Variants in HIPK3 observed in about 807,000 individuals in gnomAD.
HIPK3 encodes homeodomain interacting protein kinase 3, also known as homeodomain-interacting protein kinase 3.
Under a neutral mutation model 124.2 loss-of-function variants are expected in HIPK3, and 47 were observed. The ratio of observed to expected loss-of-function variants is 0.38; its 90% CI spans 0.30 to 0.48. HIPK3 has a LOEUF of 0.48. HIPK3 is among the 20% of genes least tolerant of loss of function. The pLI, the probability that HIPK3 is intolerant of heterozygous loss-of-function variation, is 0.98. For missense variants in HIPK3, 1,286 were observed against 1,454.3 expected, an observed-to-expected ratio of 0.88 and a Z score of 1.88; for synonymous variants, 482 against 515.2, an observed-to-expected ratio of 0.94 and a Z score of 0.87.
intron 15 of HIPK3, 134 bp from the exon 16 acceptor site, chr11:33,352,004 C>A: frequency 9.5e-7 from 1 of 1,048,754 alleles, no homozygotes; most frequent in Non-Finnish European, 1.4e-6. Context: ...TGCTTGGAAA[C>A]CATGACCTCT....
chr11:33,333,796 A>C (rs527756542), intron 3 of HIPK3, among the ~76,000 whole-genome samples: 1 of 152,292 alleles, frequency 6.6e-6, no homozygotes, highest in South Asian at 2.1e-4. Flanking sequence ...TACTAGCTTA[A>C]TTGCAGATTA....
intron 13 of HIPK3, 117 bp downstream of exon 13, chr11:33,348,935 A>C (rs1404824058): frequency 9.6e-7 from 1 of 1,036,828 alleles, no homozygotes; most frequent in Non-Finnish European, 1.4e-6. Flanking sequence ...AAAACCTTTA[A>C]ATTAGATAAC....
At chr11:33,309,963 G>A (rs1304617983) in intron 2 of HIPK3, among the ~76,000 whole-genome samples, 4 of 152,072 alleles carry the variant, frequency 2.6e-5, no homozygotes, top group African/African-American at 7.2e-5. Flanking sequence ...CCAGCTTTCT[G>A]CTGAAGTTCT....
At chr11:33,330,457 T>C (rs1852942746) in intron 3 of HIPK3, among the ~76,000 whole-genome samples, 1 of 152,136 alleles carries the variant, frequency 6.6e-6, no homozygotes, top group African/African-American at 2.4e-5. Context: ...GCCTCCTGAG[T>C]AGCTGGGATT....
In HIPK3 at chr11:33,353,330, T is replaced by C. The variant is rs1449420418; in HGVS notation, c.3410T>C (p.Leu1137Ser). Residue 1137 changes from leucine to serine, a missense_variant, in exon 17 of 17, where the codon TTA becomes TCA. Around this residue, in one of 3 missense-constraint regions of HIPK3, gnomAD observed 810 missense variants for 864.9 expected, o/e 0.94. Coordinates refer to ENST00000303296, the MANE Select transcript of HIPK3 (RefSeq NM_005734.5). ...LSSAAPVAHL[L>S]ASPCTSRPML... is the part of the protein sequence containing the mutation. ...AGTGCTGCACCAGTGGCCCACCTGTTAGCCTCTCCGTGTACCTCAAGACCT... is the reference window on the plus strand; with the variant it reads ...AGTGCTGCACCAGTGGCCCACCTGTCAGCCTCTCCGTGTACCTCAAGACCT... 1 of 1,614,166 alleles carries C rather than the reference T, an allele frequency of 6.2e-7. No individual in the cohort carries two copies. The highest frequency in any genetic ancestry group is 2.2e-5 in the East Asian group (1 of 44,890).
rs190495633 is a variant in HIPK3 at position 33,352,953 on chromosome 11, A to G, written c.3172-139A>G. ...ATTGATATTTTTCTCTCCTCTAGTT[A>G]TTCTTAGTATAAGTTAGTTCTGAGA... On this transcript the variant is annotated intron_variant, in intron 16 of 16. Coordinates refer to ENST00000303296, the MANE Select transcript of HIPK3 (RefSeq NM_005734.5). 6.1e-3 allele frequency: 3,493 copies of G among 573,020 alleles called. 30 individuals carry two copies. The highest frequency in any genetic ancestry group is 6.4e-3 in the Non-Finnish European group (2,094 of 324,942). The allele number at this position is 573,020 out of a possible 1,614,324, so 35.5% of individuals were successfully genotyped here. A position where few individuals can be genotyped will look rare whatever the true frequency, so the allele number is the denominator to read the frequency against.
intron 2 of HIPK3, among the ~76,000 whole-genome samples, chr11:33,312,049 A>AG (rs1852365687): frequency 6.6e-6 from 1 of 151,188 alleles, no homozygotes. Flanking sequence ...TTGTAGAGAC[A>AG]GGGTCTTGCT....
intron 2 of HIPK3, among the ~76,000 whole-genome samples, chr11:33,304,487 GC>G (rs927653337): frequency 6.6e-6 from 1 of 151,980 alleles, no homozygotes; most frequent in African/African-American, 2.4e-5. Context: ...AACCCAGGAG[GC>G]GGAGGTTGCG....
chr11:33,298,668 A>T (rs113809662), intron 2 of HIPK3, among the ~76,000 whole-genome samples: 28 of 152,254 alleles, frequency 1.8e-4, no homozygotes, highest in Non-Finnish European at 3.8e-4. Context: ...TCCAACCCTC[A>T]TGGATGACTT....
intron 14 of HIPK3, among the ~76,000 whole-genome samples, chr11:33,350,790 A>G (rs1853635356): frequency 6.6e-6 from 1 of 152,224 alleles, no homozygotes; most frequent in African/African-American, 2.4e-5. Context: ...TCCTTAGGAA[A>G]TATGATATTG....
chr11:33,281,790 AGTT>A (rs1231106256), intron 1 of HIPK3, among the ~76,000 whole-genome samples: 14 of 152,278 alleles, frequency 9.2e-5, no homozygotes, highest in Middle Eastern at 6.8e-3. Flanking sequence ...AAGGCAAATA[AGTT>A]GTTTTCATTC....
At chr11:33,305,985 G>A (rs568588578) in intron 2 of HIPK3, among the ~76,000 whole-genome samples, 1 of 152,252 alleles carries the variant, frequency 6.6e-6, no homozygotes, top group African/African-American at 2.4e-5. Flanking sequence ...TCTTGCCTCA[G>A]CCTCCTGAGT....
intron 14 of HIPK3, among the ~76,000 whole-genome samples, chr11:33,350,162 T>C (rs1259563783): frequency 1.3e-5 from 2 of 152,224 alleles, no homozygotes; most frequent in Non-Finnish European, 2.9e-5. Flanking sequence ...ACATATACTT[T>C]AGCAAAATTA....
At chr11:33,314,285 A>G (rs1299128564) in intron 2 of HIPK3, among the ~76,000 whole-genome samples, 1 of 152,150 alleles carries the variant, frequency 6.6e-6, no homozygotes, top group Non-Finnish European at 1.5e-5. Flanking sequence ...CCTGTCTAAA[A>G]TGGGATAATG....
intron 2 of HIPK3, among the ~76,000 whole-genome samples, chr11:33,302,513 T>A (rs962540873): frequency 2.0e-5 from 3 of 152,042 alleles, no homozygotes; most frequent in Non-Finnish European, 2.9e-5. Context: ...ATTTTTGTAT[T>A]TTTAGTAGAG....
intron 1 of HIPK3, among the ~76,000 whole-genome samples, chr11:33,259,792 G>T: frequency 1.5e-5 from 2 of 130,590 alleles, no homozygotes; most frequent in Admixed American, 8.7e-5. Flanking sequence ...CCCCCCCTCT[G>T]CCTCCCGCCC....
At chr11:33,273,625 A>G (rs1851198652) in intron 1 of HIPK3, among the ~76,000 whole-genome samples, 1 of 152,050 alleles carries the variant, frequency 6.6e-6, no homozygotes, top group Non-Finnish European at 1.5e-5. Flanking sequence ...CTGAGTAGAA[A>G]GAAAACATAA....
At chr11:33,323,224 A>G (rs1249540318) in intron 2 of HIPK3, among the ~76,000 whole-genome samples, 3 of 152,186 alleles carry the variant, frequency 2.0e-5, no homozygotes, top group Non-Finnish European at 2.9e-5. Context: ...AAGACTACGT[A>G]TTATGGGATT....
At chr11:33,349,440 G>GGTTTGTTT (rs200722435) in intron 14 of HIPK3, among the ~76,000 whole-genome samples, 153 bp downstream of exon 14, 1 of 151,982 alleles carries the variant, frequency 6.6e-6, no homozygotes, top group Non-Finnish European at 1.5e-5. Flanking sequence ...TATAAACACA[G>GGTTTGTTT]GTTTGTTTGT....
Sources: allele counts gnomAD v4.1 joint callset (sites outside exome capture counted in the v4.1 genomes callset), GRCh38; gene constraint gnomAD v4.1.1; regional missense constraint gnomAD v4.1.1; transcripts MANE v1.5; gene names NCBI Gene and HGNC (gene_info 2026-07-23, HGNC 2026-07-21).